Variants in MYT1L observed in about 807,000 individuals in gnomAD.
MYT1L encodes the protein myelin transcription factor 1 like, also known as myelin transcription factor 1-like protein.
In MYT1L, 12 loss-of-function variants were observed where a neutral mutation model predicts 126.7. The ratio of observed to expected loss-of-function variants is 0.09; its 90% CI spans 0.06 to 0.15. The LOEUF (loss-of-function observed/expected upper bound fraction) is 0.15. MYT1L is among the 10% of genes least tolerant of loss of function. The pLI, the probability that MYT1L is intolerant of heterozygous loss-of-function variation, is 1.00. For synonymous variants in MYT1L, 541 were observed against 604.2 expected (o/e 0.90, Z 1.53); for missense variants, 979 against 1,585.2 (o/e 0.62, Z 6.49).
At chr2:1,978,305 C>G (rs920258958) in intron 8 of MYT1L, among the ~76,000 whole-genome samples, 14 of 152,190 alleles carry the variant, frequency 9.2e-5, no homozygotes, top group Non-Finnish European at 1.8e-4. Context: ...GTTTGTTAGG[C>G]TGGAATGACC....
chr2:1,988,247 G>A (rs2061203218), intron 5 of MYT1L, among the ~76,000 whole-genome samples: 1 of 152,154 alleles, frequency 6.6e-6, no homozygotes. Context: ...CCTCCGGGGT[G>A]GAGATGTGCC....
At chr2:2,182,645 A>T (rs1190376122) in intron 2 of MYT1L, among the ~76,000 whole-genome samples, 2 of 152,192 alleles carry the variant, frequency 1.3e-5, no homozygotes, top group Non-Finnish European at 2.9e-5. Context: ...TTCAAAGCAC[A>T]GCATGCGCTT....
intron 4 of MYT1L, among the ~76,000 whole-genome samples, chr2:2,012,865 C>T (rs1301323683): frequency 1.3e-5 from 2 of 152,192 alleles, no homozygotes; most frequent in African/African-American, 4.8e-5. Flanking sequence ...AGGGTGGCCC[C>T]AGGTGATAGA....
At chr2:2,204,412 C>CT (rs2093222619) in intron 2 of MYT1L, among the ~76,000 whole-genome samples, 1 of 150,630 alleles carries the variant, frequency 6.6e-6, no homozygotes, top group South Asian at 2.1e-4. Flanking sequence ...AACAAATTTA[C>CT]AAGAAAAAAA....
chr2:2,076,082 C>T (rs1425894404), intron 3 of MYT1L, among the ~76,000 whole-genome samples: 1 of 152,172 alleles, frequency 6.6e-6, no homozygotes, highest in African/African-American at 2.4e-5. Context: ...ATGGAGACAG[C>T]AAACTGCTGG....
intron 9 of MYT1L, among the ~76,000 whole-genome samples, chr2:1,941,117 T>A (rs1387377027): frequency 6.6e-6 from 1 of 152,252 alleles, no homozygotes; most frequent in African/African-American, 2.4e-5. Flanking sequence ...CTGACTACCT[T>A]TCAAAGTACA....
chr2:1,981,571 C>T (rs905151536), intron 5 of MYT1L, among the ~76,000 whole-genome samples: 2 of 152,102 alleles, frequency 1.3e-5, no homozygotes, highest in South Asian at 2.1e-4. Context: ...ATTGGAAAGA[C>T]GACATCAGAC....
chr2:2,230,756 C>A (rs2094142389), intron 2 of MYT1L, among the ~76,000 whole-genome samples: 1 of 152,200 alleles, frequency 6.6e-6, no homozygotes, highest in South Asian at 2.1e-4. Flanking sequence ...CTGAAAGATT[C>A]CACTCCAAGC....
chr2:2,179,887 C>T (rs2091226047), intron 2 of MYT1L, among the ~76,000 whole-genome samples: 1 of 152,140 alleles, frequency 6.6e-6, no homozygotes, highest in South Asian at 2.1e-4. Context: ...AAAGATTTAC[C>T]AGCCTTCACA....
chr2:2,023,346 G>A (rs1347558406), intron 4 of MYT1L, among the ~76,000 whole-genome samples: 2 of 152,214 alleles, frequency 1.3e-5, no homozygotes, highest in African/African-American at 4.8e-5. Context: ...TAGAGAAGGG[G>A]GCAGCCTGTT....
intron 1 of MYT1L, among the ~76,000 whole-genome samples, chr2:2,295,421 GCTGTGGCAA>G (rs1559582106): frequency 4.6e-5 from 7 of 152,146 alleles, no homozygotes; most frequent in African/African-American, 1.7e-4. Context: ...CTGCCACCCA[GCTGTGGCAA>G]GAGGTTCACC....
At chr2:2,295,659 C>G (rs13022637) in intron 1 of MYT1L, among the ~76,000 whole-genome samples, 5 of 89,516 alleles carry the variant, frequency 5.6e-5, no homozygotes, top group Admixed American at 2.4e-4. Context: ...GAGAGACAGA[C>G]AGACAGAGAG....
chr2:2,265,603 C>T (rs1052360347), intron 2 of MYT1L, among the ~76,000 whole-genome samples: 5 of 152,032 alleles, frequency 3.3e-5, no homozygotes, highest in African/African-American at 1.2e-4. Context: ...ATGGTGCACC[C>T]GCGGCATGGG....
intron 3 of MYT1L, among the ~76,000 whole-genome samples, chr2:2,055,145 G>A (rs2069342661): frequency 6.6e-6 from 1 of 152,064 alleles, no homozygotes; most frequent in Admixed American, 6.6e-5. Flanking sequence ...TAAAACTAAG[G>A]GAAAGAGTCA....
chr2:2,139,851 A>T (rs556890434), intron 3 of MYT1L, among the ~76,000 whole-genome samples: 1 of 152,212 alleles, frequency 6.6e-6, no homozygotes, highest in African/African-American at 2.4e-5. Flanking sequence ...AAAGTTACTC[A>T]CATTCTTGAA....
At chr2:2,158,804 C>T (rs547271422) in intron 3 of MYT1L, among the ~76,000 whole-genome samples, 6 of 152,150 alleles carry the variant, frequency 3.9e-5, no homozygotes, top group Middle Eastern at 3.4e-3. Flanking sequence ...TATGATGACA[C>T]GTGTCTTTCA....
At chr2:1,796,581 A>G (rs1368234664) in intron 23 of MYT1L, among the ~76,000 whole-genome samples, 1 of 152,124 alleles carries the variant, frequency 6.6e-6, no homozygotes, top group African/African-American at 2.4e-5. Flanking sequence ...TTTCTTGTGA[A>G]TAGCCTGTCC....
chr2:1,851,797 A>C, intron 18 of MYT1L, 94 bp from the exon 19 acceptor site: 2 of 1,173,806 alleles, frequency 1.7e-6, no homozygotes, highest in Non-Finnish European at 2.5e-6. Flanking sequence ...AACTAACTCT[A>C]TTGCTTCACT....
At chr2:2,294,683 T>C (rs1211942215) in intron 1 of MYT1L, among the ~76,000 whole-genome samples, 1 of 152,120 alleles carries the variant, frequency 6.6e-6, no homozygotes, top group Non-Finnish European at 1.5e-5. Context: ...AGGCTGAGGG[T>C]ATCTAAGTCA....
Sources: gnomAD v4.1 joint callset for allele counts (sites outside exome capture counted in the v4.1 genomes callset) on GRCh38, gnomAD v4.1.1 for gene constraint, MANE v1.5 for transcripts, NCBI Gene and HGNC (gene_info 2026-07-23, HGNC 2026-07-21) for gene names.